The following IL3RA variants were observed in gnomAD, a reference collection of about 807,000 sequenced individuals.
IL3RA encodes interleukin 3 receptor subunit alpha.
In IL3RA, 73 loss-of-function variants were observed where a neutral mutation model predicts 52.3. The ratio of observed to expected loss-of-function variants is 1.40; its 90% CI spans 1.16 to 1.70. The LOEUF (loss-of-function observed/expected upper bound fraction) is 1.70, where lower values mean the gene tolerates loss of function less well. IL3RA is among the 40% of genes most tolerant of loss of function. The pLI, the probability that IL3RA is intolerant of heterozygous loss-of-function variation, is 0.00. For synonymous variants in IL3RA, 260 were observed against 194.0 expected (o/e 1.34, Z -2.83); for missense variants, 664 against 504.4 (o/e 1.32, Z -3.03).
At chrX:1,356,679 G>A (rs1243066415) in intron 7 of IL3RA, among the ~76,000 whole-genome samples, 1 of 151,802 alleles carries the variant, frequency 6.6e-6, no homozygotes, top group East Asian at 1.9e-4. Context: ...GGCCGAGGCA[G>A]GAGAATTGCT....
rs2149224191 is a variant in IL3RA, at chrX:1,380,112, T to G, written c.981-911T>G. 2.0e-5 allele frequency among the ~76,000 whole-genome samples: 3 copies of G among 151,902 alleles called. No individual in the cohort carries two copies. In the South Asian group the frequency reaches 6.2e-4, roughly 32 times the overall value. ...TTTCTCCGTGTTGATCAGGCTGGTC[T>G]TGAACTCCTCACCTCAGTTGATCTG... On this transcript the variant is annotated intron_variant, in intron 10 of 11. Transcript: ENST00000331035.
At chrX:1,367,512 C>CGGGTGCGCGGGGTGCGCG (rs1355004432) in intron 9 of IL3RA, among the ~76,000 whole-genome samples, 3 of 27,904 alleles carry the variant, frequency 1.1e-4, no homozygotes, top group South Asian at 2.6e-3. Flanking sequence ...CGGGGTGAGC[C>CGGGTGCGCGGGGTGCGCG]GGGTGCGCGG....
rs1285463520 is a variant in IL3RA at position 1,341,772 on chromosome X, C to G, written c.7C>G (p.Leu3Val). 29 of 1,613,828 alleles carry G rather than the reference C, an allele frequency of 1.8e-5. No homozygotes were observed. Among genetic ancestry groups the G allele is most frequent in the Non-Finnish European group, 2.4e-5 (28 of 1,179,876 alleles). The change falls in exon 2 of 12, where the codon CTC (leucine) becomes GTC (valine). Residue 3 changes from leucine (L) to valine (V), a missense_variant. By Grantham distance (32) the Leu-to-Val change is conservative. Coordinates refer to ENST00000331035, the MANE Select transcript of IL3RA (RefSeq NM_002183.4). ...TTCCGGAGCTGCGTTCCCGATGGTC[C>G]TCCTTTGGCTCACGCTGCTCCTGAT... MVLLWLTLLLIAL... is the reference protein window; with the variant it reads MVVLWLTLLLIAL...
Position 1,344,524 on chromosome X carries a change from C to T in IL3RA, c.65-792C>T, listed in dbSNP as rs546803565. On this transcript the variant is annotated intron_variant, in intron 2 of 11. Coordinates refer to ENST00000331035, the MANE Select transcript of IL3RA (RefSeq NM_002183.4). ...GCATGGTGGCTCATGCTTGTAATCC[C>T]AGCACTTTGAGAGGCCGAGGCGGAC... 6.7e-4 allele frequency among the ~76,000 whole-genome samples: 101 copies of T among 151,722 alleles called. 1 individual carries two copies. The East Asian group carries it at 0.018, about 26-fold the overall frequency.
chrX:1,342,813 G>A (rs184612188), intron 2 of IL3RA, among the ~76,000 whole-genome samples: 3 of 151,242 alleles, frequency 2.0e-5, no homozygotes, highest in Admixed American at 1.3e-4. Flanking sequence ...CCTGCCTCGG[G>A]GTTGGGATTA....
intron 6 of IL3RA, among the ~76,000 whole-genome samples, chrX:1,354,742 T>C (rs1233948587): frequency 3.7e-5 from 2 of 53,872 alleles, no homozygotes; most frequent in African/African-American, 1.6e-4. Context: ...GAGGTGGAGA[T>C]GGGGAGAGAA....
At position 1,341,538 on chromosome X, in the gene IL3RA, ACT is replaced by A. The variant is rs1312859995; in HGVS notation, c.-38-187_-38-186del. On this transcript the variant is annotated intron_variant, in intron 1 of 11. Transcript: ENST00000331035. ...TATTCGTGCACACATGTAGAAGCAC[ACT>A]CTGATGTGCATGCATGTGCAAAGGC... Among the ~76,000 whole-genome samples the A allele has an allele frequency of 8.1e-3, 263 of 32,388 alleles. 1 individual carries two copies. The highest frequency in any genetic ancestry group is 0.013 in the African/African-American group (247 of 18,360). The allele number at this position is 32,388 out of a possible 152,430, so 21.2% of individuals were successfully genotyped here. A position where few individuals can be genotyped will look rare whatever the true frequency, so the allele number is the denominator to read the frequency against.
chrX:1,381,355 G>T (rs1346230250), intron 11 of IL3RA, among the ~76,000 whole-genome samples: 6 of 152,108 alleles, frequency 3.9e-5, no homozygotes, highest in African/African-American at 1.4e-4. Context: ...CTACGATCGA[G>T]CCACTGCACT....
intron 6 of IL3RA, among the ~76,000 whole-genome samples, chrX:1,355,465 A>AGGG (rs2086633573): frequency 1.0e-4 from 2 of 19,382 alleles, no homozygotes; most frequent in Non-Finnish European, 2.1e-4. Context: ...GGGTAGGAGG[A>AGGG]GGGGGAGGAG....
intron 7 of IL3RA, among the ~76,000 whole-genome samples, chrX:1,356,628 T>G (rs1408889282): frequency 6.6e-6 from 1 of 151,970 alleles, no homozygotes; most frequent in African/African-American, 2.4e-5. Context: ...AAAAATTAGC[T>G]GGGCGTGGTG....
At chrX:1,377,507 C>G (rs1383410613) in intron 9 of IL3RA, among the ~76,000 whole-genome samples, 1 of 151,938 alleles carries the variant, frequency 6.6e-6, no homozygotes, top group Non-Finnish European at 1.5e-5. Context: ...CCTCCCAAAG[C>G]GCTGGGATTA....
chrX:1,368,141 C>G (rs1170280995), intron 9 of IL3RA, among the ~76,000 whole-genome samples: 1 of 152,138 alleles, frequency 6.6e-6, no homozygotes, highest in African/African-American at 2.4e-5. Context: ...CGCCTGTAGT[C>G]CCAGCTACTC....
At chrX:1,362,913 C>A (rs746218483) in intron 8 of IL3RA, among the ~76,000 whole-genome samples, 167 of 152,054 alleles carry the variant, frequency 1.1e-3, no homozygotes, top group Non-Finnish European at 6.0e-4. Flanking sequence ...GTAGCTGGGA[C>A]TACAGGTGCA....
At chrX:1,343,918 C>A in intron 2 of IL3RA, among the ~76,000 whole-genome samples, 1 of 151,152 alleles carries the variant, frequency 6.6e-6, no homozygotes, top group Non-Finnish European at 1.5e-5. Context: ...GCCTCAGCTT[C>A]CTGATTAGCT....
chrX:1,348,596 C>G (rs775961982), intron 4 of IL3RA, 51 bp downstream of exon 4: 1 of 1,294,582 alleles, frequency 7.7e-7, no homozygotes, highest in Non-Finnish European at 1.1e-6. Context: ...CCCTCCTTCC[C>G]TCTCTCCCTC....
In IL3RA at chrX:1,352,516, C is replaced by G. The variant is rs768915655; in HGVS notation, c.616+10C>G. 1 of 1,610,962 alleles carries G rather than the reference C, an allele frequency of 6.2e-7. No homozygotes were observed. The highest frequency in any genetic ancestry group is 8.5e-7 in the Non-Finnish European group (1 of 1,178,670). On this transcript the variant is annotated intron_variant, in intron 6 of 11. Coordinates refer to ENST00000331035, the MANE Select transcript of IL3RA (RefSeq NM_002183.4). ...GTCTTTTCACAGATTGGTGAGTAGC[C>G]CGGGACACTCCCTCCCACCCTCAGT... is the stretch of plus-strand genomic sequence containing the variant.
At chrX:1,361,345 A>C (rs1229978997) in intron 8 of IL3RA, among the ~76,000 whole-genome samples, 1 of 152,118 alleles carries the variant, frequency 6.6e-6, no homozygotes, top group Non-Finnish European at 1.5e-5. Flanking sequence ...GGTAATTTAT[A>C]AACAAAAGAG....
intron 6 of IL3RA, among the ~76,000 whole-genome samples, chrX:1,353,925 T>TCCATCATGGGTCATGGGAGCCCCCCCCCC (rs2086371081): frequency 2.7e-5 from 3 of 110,466 alleles, no homozygotes; most frequent in Admixed American, 1.0e-4. Context: ...CATCATGGGT[T>TCCATCATGGGTCATGGGAGCCCCCCCCCC]CCATCATGGG....
chrX:1,352,503 A>G lies in IL3RA; in HGVS notation c.613A>G (p.Ile205Val), dbSNP rs1206454109. ...AGATAAGTTTGTCGTCTTTTCACAG[A>G]TTGGTGAGTAGCCCGGGACACTCCC... ...CTDKFVVFSQIEILTPPNMTA... is the reference protein window; with the variant it reads ...CTDKFVVFSQVEILTPPNMTA... The change falls in exon 6 of 12, where the codon ATT (isoleucine) becomes GTT (valine). Residue 205 changes from isoleucine (I) to valine (V), a missense_variant. Ile to Val is a conservative substitution (Grantham distance 29). Coordinates refer to ENST00000331035, the MANE Select transcript of IL3RA (RefSeq NM_002183.4). The G allele has an allele frequency of 1.1e-5, 18 of 1,612,762 alleles. No homozygotes were observed. Among genetic ancestry groups the G allele is most frequent in the Non-Finnish European group, 1.5e-5 (18 of 1,179,690 alleles).
Sources: gnomAD v4.1 joint callset for allele counts (sites outside exome capture counted in the v4.1 genomes callset) on GRCh38, gnomAD v4.1.1 for gene constraint, MANE v1.5 for transcripts, NCBI Gene and HGNC (gene_info 2026-07-23, HGNC 2026-07-21) for gene names.